The following ATP2B4 variants were observed in gnomAD, a reference collection of about 807,000 sequenced individuals.
ATP2B4 encodes ATPase plasma membrane Ca2+ transporting 4.
ATP2B4 carries 39 observed loss-of-function variants against 110.3 expected under a neutral mutation model. That is an observed-to-expected ratio of 0.35 (90% CI 0.27 to 0.46). The LOEUF is 0.46. ATP2B4 is among the 20% of genes least tolerant of loss of function. ATP2B4 has a pLI of 1.00. For synonymous variants in ATP2B4, 538 were observed against 571.7 expected (o/e 0.94, Z 0.84); for missense variants, 1,135 against 1,530.9 (o/e 0.74, Z 4.32).
At chr1:203,734,175 C>T (rs970599718) in intron 20 of ATP2B4, among the ~76,000 whole-genome samples, 8 of 151,928 alleles carry the variant, frequency 5.3e-5, no homozygotes, top group Admixed American at 1.3e-4. Context: ...GTGGCGGGCA[C>T]CTGTAGTCCT....
At position 203,741,473 on chromosome 1, in the gene ATP2B4, T is replaced by C. The variant is rs1666995267; in HGVS notation, c.*1619T>C. 1 of 152,548 alleles carries C rather than the reference T, an allele frequency of 6.6e-6. No individual in the cohort carries two copies. The highest frequency in any genetic ancestry group is 1.5e-5 in the Non-Finnish European group (1 of 68,038). The allele number at this position is 152,548 out of a possible 1,614,324, so 9.4% of individuals were successfully genotyped here. A position where few individuals can be genotyped will look rare whatever the true frequency, so the allele number is the denominator to read the frequency against. ...GTATCCCTGCTGGTGTTGACTTCTG[T>C]GTAGGGGCCAGTTCATGTCCCTGAC... On this transcript the variant is annotated 3_prime_UTR_variant, in exon 21 of 21. Transcript: ENST00000357681.
At chr1:203,713,018 T>C in intron 13 of ATP2B4, 147 bp from the exon 14 acceptor site, 2 of 826,156 alleles carry the variant, frequency 2.4e-6, no homozygotes, top group Non-Finnish European at 3.9e-6. Context: ...GTTGGCTGTT[T>C]CATCTCTGCT....
intron 1 of ATP2B4, among the ~76,000 whole-genome samples, chr1:203,663,532 G>T (rs1426420106): frequency 6.6e-6 from 1 of 151,964 alleles, no homozygotes; most frequent in Non-Finnish European, 1.5e-5. Flanking sequence ...AGCTCATCAG[G>T]ACAGGAATCC....
chr1:203,659,455 G>A (rs369810521), intron 1 of ATP2B4, among the ~76,000 whole-genome samples: 14 of 149,386 alleles, frequency 9.4e-5, no homozygotes, highest in African/African-American at 3.5e-4. Context: ...GATCACTTGA[G>A]CCCAGGAGTT....
chr1:203,656,678 A>G (rs1177311464), intron 1 of ATP2B4, among the ~76,000 whole-genome samples: 1 of 152,244 alleles, frequency 6.6e-6, no homozygotes, highest in East Asian at 1.9e-4. Context: ...GGCATTTTCA[A>G]CGGAACTGGT....
intron 1 of ATP2B4, among the ~76,000 whole-genome samples, chr1:203,628,798 A>C (rs538742510): frequency 5.3e-5 from 8 of 151,936 alleles, no homozygotes; most frequent in African/African-American, 1.7e-4. Flanking sequence ...GGGCTGGGCC[A>C]GGAGTGTTTA....
rs772008567 is a variant in ATP2B4, at chr1:203,739,562, C to T, written c.3326C>T (p.Ala1109Val). ...RIQTQIKVVK[A>V]FHSSLHESIQ... ...CTGGTATAGATCAAAGTGGTCAAAG[C>T]GTTCCATAGTTCCCTCCACGAAAGC... Residue 1109 changes from alanine (A) to valine (V), a missense_variant, in exon 21 of 21, where the codon GCG becomes GTG. By Grantham distance (64) the Ala-to-Val change is moderately conservative (BLOSUM62 0). Transcript: ENST00000357681. 9 of 1,613,604 alleles carry T rather than the reference C, an allele frequency of 5.6e-6. No individual in the cohort carries two copies. The highest frequency in any genetic ancestry group is 4.5e-5 in the East Asian group (2 of 44,878).
intron 1 of ATP2B4, among the ~76,000 whole-genome samples, chr1:203,663,947 C>T (rs916459365): frequency 6.6e-6 from 1 of 152,088 alleles, no homozygotes; most frequent in African/African-American, 2.4e-5. Flanking sequence ...ATGGAGTATG[C>T]CTTAGCTTCT....
intron 2 of ATP2B4, among the ~76,000 whole-genome samples, chr1:203,692,350 T>C (rs920446003): frequency 2.0e-5 from 3 of 152,254 alleles, no homozygotes; most frequent in Middle Eastern, 3.4e-3. Flanking sequence ...GCTAATTTTT[T>C]TTATTATTTG....
chr1:203,706,895 G>A (rs992354660), intron 8 of ATP2B4, 114 bp from the exon 9 acceptor site: 69 of 821,512 alleles, frequency 8.4e-5, no homozygotes, highest in Non-Finnish European at 1.2e-4. Context: ...TCTTCCTGGC[G>A]ATGGTGGTTT....
Position 203,739,852 on chromosome 1 carries a change from T to G in ATP2B4, c.3616T>G (p.Ter1206GlyextTer5). The change falls in exon 21 of 21, where the codon TGA becomes GGA. Residue 1206 changes from the stop codon to glycine, a stop_lost. Transcript: ENST00000357681. ...SSLQSLETSV[*>G] ...TCTACAGAGCCTAGAGACATCAGTT[T>G]GAATTTTCTTTCTCTGACTCTCATC... The G allele has an allele frequency of 6.2e-7, 1 of 1,603,152 alleles. No individual in the cohort carries two copies. The highest frequency in any genetic ancestry group is 8.5e-7 in the Non-Finnish European group (1 of 1,173,508).
intron 1 of ATP2B4, among the ~76,000 whole-genome samples, chr1:203,667,179 T>A (rs1664528710): frequency 6.6e-6 from 1 of 152,152 alleles, no homozygotes; most frequent in Admixed American, 6.5e-5. Flanking sequence ...CTCGAACTCC[T>A]GGATTCAAGC....
chr1:203,665,302 G>C (rs7528734), intron 1 of ATP2B4, among the ~76,000 whole-genome samples: 137,932 of 152,284 alleles, frequency 0.91, 63,601 homozygotes, highest in Non-Finnish European at 0.99. Context: ...TCTGCTCAGG[G>C]TGAGCCCTTA....
chr1:203,714,697 C>T (rs1168122721), intron 15 of ATP2B4, among the ~76,000 whole-genome samples: 1 of 152,172 alleles, frequency 6.6e-6, no homozygotes, highest in Non-Finnish European at 1.5e-5. Context: ...TTCCAAGGCT[C>T]CACAGTTAGA....
At chr1:203,727,232 G>A (rs936025863) in intron 19 of ATP2B4, among the ~76,000 whole-genome samples, 163 bp from the exon 20 acceptor site, 1 of 152,234 alleles carries the variant, frequency 6.6e-6, no homozygotes, top group African/African-American at 2.4e-5. Context: ...GGCACTTGGA[G>A]AATGCTTGCC....
intron 20 of ATP2B4, among the ~76,000 whole-genome samples, chr1:203,738,692 T>C (rs1219306810): frequency 6.6e-6 from 1 of 152,166 alleles, no homozygotes; most frequent in Non-Finnish European, 1.5e-5. Flanking sequence ...AGCAGCATGA[T>C]TGGGCACAGT....
At chr1:203,715,172 G>A (rs1014315249) in intron 15 of ATP2B4, among the ~76,000 whole-genome samples, 32 of 151,794 alleles carry the variant, frequency 2.1e-4, no homozygotes, top group African/African-American at 7.3e-4. Context: ...CTACTCGGGA[G>A]GCTGAGGTAG....
At chr1:203,724,867 G>GTTT (rs1031319768) in intron 19 of ATP2B4, among the ~76,000 whole-genome samples, 55 of 78,412 alleles carry the variant, frequency 7.0e-4, no homozygotes, top group Non-Finnish European at 9.3e-4. Context: ...CCAGCTCTCT[G>GTTT]TTTTTTTTTT....
At position 203,738,718 on chromosome 1, in the gene ATP2B4, A is replaced by G. The variant is rs1047820591; in HGVS notation, c.3310-828A>G. The stretch of plus-strand genomic sequence containing the variant: ...TGGGCACAGTTGCTGTGTATCAGAG[A>G]CATGAACGTGCATTTGAATTATGAG... On this transcript the variant is annotated intron_variant, in intron 20 of 20. Coordinates refer to ENST00000357681, the MANE Select transcript of ATP2B4 (RefSeq NM_001684.5). Among the ~76,000 whole-genome samples the G allele has an allele frequency of 7.2e-5, 11 of 152,326 alleles. No homozygotes were observed. The East Asian group carries it at 1.5e-3, about 21-fold the overall frequency.
Sources: gnomAD v4.1 joint callset for allele counts (sites outside exome capture counted in the v4.1 genomes callset) on GRCh38, gnomAD v4.1.1 for gene constraint, MANE v1.5 for transcripts, NCBI Gene and HGNC (gene_info 2026-07-23, HGNC 2026-07-21) for gene names.